Variants in SLC7A14 observed in about 807,000 individuals in gnomAD.
The protein encoded by SLC7A14 is solute carrier family 7 member 14.
SLC7A14 carries 37 observed loss-of-function variants against 60.2 expected under a neutral mutation model. That is an observed-to-expected ratio of 0.61 (90% CI 0.47 to 0.81). The LOEUF is 0.81. Ranked by LOEUF, SLC7A14 falls within the 30% of genes least tolerant of loss-of-function variation. The probability of loss-of-function intolerance (pLI) is 0.00; values close to 1 mark genes in which losing one functional copy is unlikely to be tolerated. For synonymous variants in SLC7A14, 399 were observed against 395.8 expected, an observed-to-expected ratio of 1.01 and a Z score of -0.10; for missense variants, 886 against 982.7, an observed-to-expected ratio of 0.90 and a Z score of 1.32.
chr3:170,509,227 G>T (rs1712887439), intron 2 of SLC7A14, among the ~76,000 whole-genome samples: 2 of 152,148 alleles, frequency 1.3e-5, no homozygotes, highest in Admixed American at 1.3e-4. Context: ...ATGTTTCTTT[G>T]TGTCTAAGAA....
intron 1 of SLC7A14, among the ~76,000 whole-genome samples, chr3:170,578,603 C>A (rs1051161203): frequency 6.6e-6 from 1 of 152,110 alleles, no homozygotes; most frequent in Non-Finnish European, 1.5e-5. Context: ...GCATTACCAA[C>A]CTTATAAAGT....
At chr3:170,493,435 T>C (rs1239833038) in intron 4 of SLC7A14, among the ~76,000 whole-genome samples, 10 of 152,214 alleles carry the variant, frequency 6.6e-5, no homozygotes, top group Non-Finnish European at 1.5e-4. Flanking sequence ...AGTCATGTCA[T>C]GCTATTCTTA....
chr3:170,562,602 T>C (rs1040758850), intron 1 of SLC7A14, among the ~76,000 whole-genome samples: 2 of 152,052 alleles, frequency 1.3e-5, no homozygotes, highest in African/African-American at 4.8e-5. Context: ...AACTTACTTG[T>C]GTACTCATAC....
intron 4 of SLC7A14, among the ~76,000 whole-genome samples, chr3:170,497,783 C>T (rs556463186): frequency 6.6e-6 from 1 of 152,354 alleles, no homozygotes; most frequent in Admixed American, 6.5e-5. Flanking sequence ...CTCACAGCCA[C>T]TTGTCAGTAT....
chr3:170,580,724 G>C (rs377231054), intron 1 of SLC7A14, among the ~76,000 whole-genome samples: 1 of 152,202 alleles, frequency 6.6e-6, no homozygotes, highest in East Asian at 1.9e-4. Flanking sequence ...TACTCAGCTT[G>C]ATTCTCAGGT....
intron 1 of SLC7A14, among the ~76,000 whole-genome samples, chr3:170,547,882 A>T (rs1560276777): frequency 6.6e-6 from 1 of 152,108 alleles, no homozygotes; most frequent in Non-Finnish European, 1.5e-5. Context: ...AGCTATTCTC[A>T]TTATTTTTTT....
In SLC7A14 at chr3:170,483,429, C is replaced by T; in HGVS notation, c.1000G>A (p.Ala334Thr). 6.2e-7 allele frequency: 1 copy of T among 1,614,206 alleles called. No homozygotes were observed. Among genetic ancestry groups the T allele is most frequent in the Non-Finnish European group, 8.5e-7 (1 of 1,180,048 alleles). The stretch of plus-strand genomic sequence containing the variant: ...GACCCAATGGCCACTACGAATTTGG[C>T]AGCATAGAACCCATGAGCCACAAAC... ...EMFVAHGFYA[A>T]KFVVAIGSVA... The change falls in exon 6 of 8, where the codon GCC becomes ACC. Residue 334 changes from alanine to threonine, a missense_variant. Physicochemically the swap from Ala to Thr is moderately conservative, Grantham distance 58 (BLOSUM62 0). Coordinates refer to ENST00000231706, the MANE Select transcript of SLC7A14 (RefSeq NM_020949.3).
Position 170,480,774 on chromosome 3 carries a change from G to C in SLC7A14, c.1508C>G (p.Thr503Ser), listed in dbSNP as rs1361264697. The change falls in exon 7 of 8, where the codon ACC (threonine) becomes AGC (serine). Residue 503 changes from threonine to serine, a missense_variant. Coordinates refer to ENST00000231706, the MANE Select transcript of SLC7A14 (RefSeq NM_020949.3). The stretch of plus-strand genomic sequence containing the variant: ...GTAATTGGGGTGGTTGACGTTGTAG[G>C]TTGACTTGTCTGATTTCCCTATGAG... ...EMLIGKSDKS[T>S]YNVNHPNYGT... The C allele has an allele frequency of 1.9e-6, 3 of 1,614,178 alleles. No individual in the cohort carries two copies. The highest frequency in any genetic ancestry group is 2.2e-5 in the South Asian group (2 of 91,078).
intron 4 of SLC7A14, among the ~76,000 whole-genome samples, chr3:170,491,175 G>A (rs1029839929): frequency 1.3e-5 from 2 of 152,158 alleles, no homozygotes; most frequent in Non-Finnish European, 2.9e-5. Context: ...CTTGATTATG[G>A]TAACAAACTC....
At chr3:170,576,713 G>T (rs1016405332) in intron 1 of SLC7A14, among the ~76,000 whole-genome samples, 1 of 152,126 alleles carries the variant, frequency 6.6e-6, no homozygotes, top group Non-Finnish European at 1.5e-5. Flanking sequence ...TTTCAGTGGG[G>T]GTGGAGTGCT....
chr3:170,486,070 T>A, intron 5 of SLC7A14, 152 bp downstream of exon 5: 1 of 1,008,282 alleles, frequency 9.9e-7, no homozygotes, highest in South Asian at 1.9e-5. Context: ...GAGTCCTAAT[T>A]TTTTTCTTGT....
intron 1 of SLC7A14, among the ~76,000 whole-genome samples, chr3:170,542,886 T>A (rs1329414748): frequency 6.6e-6 from 1 of 152,134 alleles, no homozygotes; most frequent in Non-Finnish European, 1.5e-5. Context: ...GATATTTAGA[T>A]GTGAGTATGC....
Position 170,480,386 on chromosome 3 carries a change from G to A in SLC7A14, c.1896C>T (p.Leu632=), listed in dbSNP as rs746612225. Residue 632 remains leucine (L), a synonymous_variant, in exon 7 of 8, where the codon CTC becomes CTT. Transcript: ENST00000231706. ...PKKLPYMAPC[L]PFVPAFAMLV... ...GCATGGCAAAGGCAGGCACAAAGGG[G>A]AGGCAAGGGGCCATGTAGGGCAGCT... The A allele has an allele frequency of 3.1e-6, 5 of 1,611,268 alleles. No homozygotes were observed. The South Asian group carries it at 4.4e-5, about 14-fold the overall frequency.
intron 2 of SLC7A14, among the ~76,000 whole-genome samples, chr3:170,516,079 C>A (rs1447996749): frequency 6.6e-6 from 1 of 152,168 alleles, no homozygotes; most frequent in Non-Finnish European, 1.5e-5. Context: ...CCAGGTTTTC[C>A]TGGCTTTGCT....
intron 1 of SLC7A14, among the ~76,000 whole-genome samples, chr3:170,574,790 A>T (rs1715043401): frequency 6.6e-6 from 1 of 152,178 alleles, no homozygotes; most frequent in Non-Finnish European, 1.5e-5. Context: ...GGGAAATGCC[A>T]TGTTATTTAT....
intron 1 of SLC7A14, among the ~76,000 whole-genome samples, chr3:170,563,623 G>A (rs1577565643): frequency 6.6e-6 from 1 of 152,058 alleles, no homozygotes; most frequent in Non-Finnish European, 1.5e-5. Flanking sequence ...GTTTCACCAT[G>A]TTGGTCAGGC....
In SLC7A14 at chr3:170,483,370, G is replaced by A. The variant is rs781762388; in HGVS notation, c.1059C>T (p.Ser353=). The A allele has an allele frequency of 1.9e-6, 3 of 1,614,152 alleles. No individual in the cohort carries two copies. Among genetic ancestry groups the A allele is most frequent in the Admixed American group, 3.3e-5 (2 of 60,024 alleles). Residue 353 remains serine (S), a synonymous_variant, in exon 6 of 8, where the codon TCC becomes TCT. Coordinates refer to ENST00000231706, the MANE Select transcript of SLC7A14 (RefSeq NM_020949.3). ...AAATGACCCTCGGCATCGGGAAGAG[G>A]GACCCCAGCAAGCTGACTGTCAGTC... ...VAGLTVSLLG[S]LFPMPRVIYA...
chr3:170,567,770 C>A (rs1415218890), intron 1 of SLC7A14, among the ~76,000 whole-genome samples: 1 of 151,906 alleles, frequency 6.6e-6, no homozygotes, highest in African/African-American at 2.4e-5. Flanking sequence ...TGATGGTGAG[C>A]GTTTTTTCAT....
At chr3:170,520,447 A>G (rs1003413287) in intron 2 of SLC7A14, among the ~76,000 whole-genome samples, 5 of 152,194 alleles carry the variant, frequency 3.3e-5, no homozygotes, top group African/African-American at 7.2e-5. Flanking sequence ...ATGGGACCCA[A>G]TAGCAATGGG....
Sources: allele counts gnomAD v4.1 joint callset (sites outside exome capture counted in the v4.1 genomes callset), GRCh38; gene constraint gnomAD v4.1.1; transcripts MANE v1.5; gene names NCBI Gene and HGNC (gene_info 2026-07-23, HGNC 2026-07-21).